FOXN3: variants seen among roughly 807,000 people sequenced by gnomAD.
FOXN3 encodes forkhead box N3.
In FOXN3, 7 loss-of-function variants were observed where a neutral mutation model predicts 38.4. The ratio of observed to expected loss-of-function variants is 0.18; its 90% confidence interval spans 0.10 to 0.34. The LOEUF is 0.34. Ranked by LOEUF, FOXN3 falls within the 10% of genes least tolerant of loss-of-function variation. The pLI is 1.00. For synonymous variants in FOXN3, 230 were observed against 242.2 expected (o/e 0.95, Z 0.47); for missense variants, 456 against 613.4 (o/e 0.74, Z 2.71).
chr14:89,527,851 G>A (rs993245804), intron 1 of FOXN3, among the ~76,000 whole-genome samples: 13 of 152,034 alleles, frequency 8.6e-5, no homozygotes, highest in Admixed American at 2.6e-4. Context: ...GCAGGTGTGC[G>A]CCACCACATC....
At chr14:89,489,858 G>A (rs1033523604) in intron 1 of FOXN3, among the ~76,000 whole-genome samples, 10 of 152,096 alleles carry the variant, frequency 6.6e-5, no homozygotes, top group East Asian at 1.9e-4. Flanking sequence ...ACACACACGC[G>A]CGCGCATGCA....
chr14:89,320,114 G>A (rs1235981015), intron 3 of FOXN3, among the ~76,000 whole-genome samples: 3 of 152,146 alleles, frequency 2.0e-5, no homozygotes, highest in East Asian at 3.8e-4. Flanking sequence ...GGAAGATAGA[G>A]GTTACAGTAC....
intron 1 of FOXN3, among the ~76,000 whole-genome samples, chr14:89,515,634 G>C (rs960449744): frequency 1.3e-5 from 2 of 152,176 alleles, no homozygotes; most frequent in Non-Finnish European, 2.9e-5. Flanking sequence ...TACTCAGGAG[G>C]CTGAGGCAGG....
intron 1 of FOXN3, among the ~76,000 whole-genome samples, chr14:89,505,803 C>A (rs1481478833): frequency 6.6e-6 from 1 of 151,708 alleles, no homozygotes; most frequent in Non-Finnish European, 1.5e-5. Context: ...CGCCTCTTCC[C>A]GGCCACCATC....
intron 1 of FOXN3, among the ~76,000 whole-genome samples, chr14:89,613,130 A>AC (rs1344424844): frequency 6.6e-6 from 1 of 151,374 alleles, no homozygotes; most frequent in Non-Finnish European, 1.5e-5. Context: ...AAAAAAAAAA[A>AC]AAAAAAAAAA....
chr14:89,460,005 G>A (rs1892808768), intron 1 of FOXN3, among the ~76,000 whole-genome samples: 1 of 152,208 alleles, frequency 6.6e-6, no homozygotes, highest in African/African-American at 2.4e-5. Flanking sequence ...TCCCCTGGAA[G>A]TCTGGTCCCT....
At chr14:89,485,506 C>G (rs1259356822) in intron 1 of FOXN3, among the ~76,000 whole-genome samples, 1 of 152,160 alleles carries the variant, frequency 6.6e-6, no homozygotes, top group Non-Finnish European at 1.5e-5. Context: ...AAAGGCCAGA[C>G]AGAGCTCAGA....
chr14:89,380,274 C>T (rs1890606105), intron 2 of FOXN3, among the ~76,000 whole-genome samples: 4 of 152,236 alleles, frequency 2.6e-5, no homozygotes, highest in Admixed American at 2.6e-4. Context: ...CATGCCTTTG[C>T]TCCTCATTCA....
In FOXN3 at chr14:89,349,544, G is replaced by C. The variant is rs186769038; in HGVS notation, c.680+1128C>G. On this transcript the variant is annotated intron_variant, in intron 3 of 5. Transcript: ENST00000557258. Reference sequence around the variant, plus strand: ...TTGTGATGCAACTGCACCTGTCTCGGCTACGCGTTACTATGGAGACGCTCC... The same window carrying C: ...TTGTGATGCAACTGCACCTGTCTCGCCTACGCGTTACTATGGAGACGCTCC... 2.7e-4 allele frequency: 42 copies of C among 152,760 alleles called. No individual in the cohort carries two copies. The East Asian group carries it at 7.5e-3, about 27-fold the overall frequency. 9.5% of individuals were successfully genotyped at this position (152,760 alleles called of 1,614,324 possible). A position where few individuals can be genotyped will look rare whatever the true frequency, so the allele number is the denominator to read the frequency against.
At chr14:89,203,770 A>T (rs1888295838) in intron 4 of FOXN3, among the ~76,000 whole-genome samples, 2 of 152,014 alleles carry the variant, frequency 1.3e-5, no homozygotes, top group African/African-American at 4.8e-5. Context: ...TTAAGCTGAG[A>T]CTATAATCTT....
intron 4 of FOXN3, chr14:89,190,590 A>G: frequency 1.7e-6 from 1 of 605,098 alleles, no homozygotes; most frequent in Non-Finnish European, 2.9e-6. Flanking sequence ...CCCAAAGGCG[A>G]CTTTCTTCCC....
At chr14:89,359,798 A>G (rs2140024425) in intron 2 of FOXN3, among the ~76,000 whole-genome samples, 1 of 152,310 alleles carries the variant, frequency 6.6e-6, no homozygotes, top group South Asian at 2.1e-4. Flanking sequence ...AGGACAGGGC[A>G]ACAGCCTGAC....
At chr14:89,343,781 T>C (rs1007819293) in intron 3 of FOXN3, among the ~76,000 whole-genome samples, 1 of 151,984 alleles carries the variant, frequency 6.6e-6, no homozygotes, top group African/African-American at 2.4e-5. Context: ...TTTGTTTGTT[T>C]TGAGACAGTC....
chr14:89,261,025 C>A (rs186132641), intron 4 of FOXN3, among the ~76,000 whole-genome samples: 2 of 152,180 alleles, frequency 1.3e-5, no homozygotes, highest in Admixed American at 6.5e-5. Flanking sequence ...TGCATGTGTG[C>A]GGACTATCTT....
rs1298084016 is a variant in FOXN3, at chr14:89,161,594, T to TGTGTGTGTGTGTGTGTGTGC, written c.*819_*820insGCACACACACACACACACAC. 7.2e-6 allele frequency: 1 copy of TGTGTGTGTGTGTGTGTGTGC among 138,348 alleles called. No homozygotes were observed. The highest frequency in any genetic ancestry group is 2.6e-5 in the African/African-American group (1 of 37,812). The allele number at this position is 138,348 out of a possible 1,614,324, so 8.6% of individuals were successfully genotyped here. The stretch of plus-strand genomic sequence containing the variant: ...GTGTGTGTGTGTGTGTGTGTGTGTG[T>TGTGTGTGTGTGTGTGTGTGC]GTGCGTGCGTGCACAGGGCCAATCT... On this transcript the variant is annotated 3_prime_UTR_variant, in exon 6 of 6. Coordinates refer to ENST00000557258, the MANE Select transcript of FOXN3 (RefSeq NM_005197.4).
At chr14:89,168,851 G>A (rs1887311379) in intron 5 of FOXN3, among the ~76,000 whole-genome samples, 1 of 152,072 alleles carries the variant, frequency 6.6e-6, no homozygotes, top group South Asian at 2.1e-4. Flanking sequence ...AAGACAAAAA[G>A]ATTTTTAAAG....
chr14:89,246,584 G>A (rs1185217906), intron 4 of FOXN3, among the ~76,000 whole-genome samples: 1 of 122,516 alleles, frequency 8.2e-6, no homozygotes, highest in Non-Finnish European at 1.6e-5. Flanking sequence ...TCTGTTGCCA[G>A]GCTGGAGTTC....
intron 4 of FOXN3, among the ~76,000 whole-genome samples, chr14:89,278,162 C>T (rs781074447): frequency 1.4e-4 from 21 of 152,140 alleles, no homozygotes; most frequent in South Asian, 2.1e-4. Flanking sequence ...CACAGTTCCA[C>T]GTGGCTGGAG....
rs1007793940 is a variant in FOXN3, at chr14:89,226,246, A to G, written c.746-45440T>C. 2.6e-5 allele frequency among the ~76,000 whole-genome samples: 4 copies of G among 151,182 alleles called. 1 individual carries two copies. The highest frequency in any genetic ancestry group is 1.3e-4 in the Admixed American group (2 of 15,198). On this transcript the variant is annotated intron_variant, in intron 4 of 5. Transcript: ENST00000557258. ...GAGGTAGAGAGAGAGAAAGGTAGAG[A>G]GAGAGAATCTTACTGTCAACCAGGC... is the stretch of plus-strand genomic sequence containing the variant.
Sources: allele counts gnomAD v4.1 joint callset (sites outside exome capture counted in the v4.1 genomes callset), GRCh38; gene constraint gnomAD v4.1.1; transcripts MANE v1.5; gene names NCBI Gene and HGNC (gene_info 2026-07-23, HGNC 2026-07-21).